Variants in LRP1B observed in about 807,000 individuals in gnomAD.
The protein encoded by LRP1B is low-density lipoprotein receptor-related protein 1B.
Under a neutral mutation model 556.6 loss-of-function variants are expected in LRP1B, and 217 were observed. The ratio of observed to expected loss-of-function variants is 0.39; its 90% CI spans 0.35 to 0.44. LRP1B has a LOEUF of 0.44. LRP1B is among the 20% of genes least tolerant of loss of function. The pLI, the probability that LRP1B is intolerant of heterozygous loss-of-function variation, is 1.00. For synonymous variants in LRP1B, 2,047 were observed against 1,865.8 expected, an observed-to-expected ratio of 1.10 and a Z score of -2.50; for missense variants, 5,053 against 5,620.8, an observed-to-expected ratio of 0.90 and a Z score of 3.23.
rs916870460 is a variant in LRP1B at position 142,094,619 on chromosome 2, T to C, written c.82+36029A>G. Among the ~76,000 whole-genome samples the C allele has an allele frequency of 2.6e-5, 4 of 151,988 alleles. No homozygotes were observed. In the South Asian group the frequency reaches 6.2e-4, roughly 24 times the overall value. On this transcript the variant is annotated intron_variant, in intron 1 of 90. Coordinates refer to ENST00000389484, the MANE Select transcript of LRP1B (RefSeq NM_018557.3). ...ATGCTGTAAAAACTAAAATGATTGT[T>C]AAATTGAATTAATAAAAGATTCAAT...
intron 41 of LRP1B, among the ~76,000 whole-genome samples, chr2:140,672,235 C>T (rs1004137816): frequency 2.6e-5 from 4 of 152,120 alleles, no homozygotes; most frequent in African/African-American, 9.7e-5. Flanking sequence ...CGCCTGTAAT[C>T]CCAGCACTTT....
At chr2:140,366,522 G>A (rs904364460) in intron 71 of LRP1B, among the ~76,000 whole-genome samples, 31 of 151,766 alleles carry the variant, frequency 2.0e-4, no homozygotes, top group East Asian at 1.6e-3. Flanking sequence ...ATATAGTTAT[G>A]ATTTGAAGTT....
At chr2:141,904,449 T>C (rs1699701596) in intron 1 of LRP1B, among the ~76,000 whole-genome samples, 1 of 151,860 alleles carries the variant, frequency 6.6e-6, no homozygotes, top group African/African-American at 2.4e-5. Context: ...TTTGCTAAAA[T>C]GAGGAGGGCT....
intron 87 of LRP1B, among the ~76,000 whole-genome samples, chr2:140,240,393 G>C (rs551452777): frequency 1.3e-5 from 2 of 150,750 alleles, no homozygotes; most frequent in Admixed American, 1.3e-4. Flanking sequence ...CAGGGAGGAG[G>C]CAAAATGGAG....
intron 7 of LRP1B, among the ~76,000 whole-genome samples, chr2:141,111,730 G>A (rs1019227523): frequency 1.9e-4 from 29 of 152,086 alleles, no homozygotes; most frequent in African/African-American, 6.3e-4. Context: ...CCCTCTCTTT[G>A]CTGAGAGCCT....
chr2:141,198,684 G>A lies in LRP1B; in HGVS notation c.851-10101C>T, dbSNP rs138266653. Among the ~76,000 whole-genome samples the A allele has an allele frequency of 1.9e-3, 294 of 152,076 alleles. 1 individual carries two copies. Among genetic ancestry groups the A allele is most frequent in the African/African-American group, 6.5e-3 (268 of 41,478 alleles). On this transcript the variant is annotated intron_variant, in intron 6 of 90. Transcript: ENST00000389484. ...TCCCCAATTCCTTCTTCTAGCACAGGCCACAAGCCAATTTTATCTACTATG... is the reference window on the plus strand; with the variant it reads ...TCCCCAATTCCTTCTTCTAGCACAGACCACAAGCCAATTTTATCTACTATG...
At chr2:141,291,746 C>T (rs1685961723) in intron 3 of LRP1B, among the ~76,000 whole-genome samples, 1 of 150,028 alleles carries the variant, frequency 6.7e-6, no homozygotes, top group Non-Finnish European at 1.5e-5. Flanking sequence ...ATCCCAGCTA[C>T]TTGGGAGGCT....
At chr2:140,737,312 G>A (rs991460737) in intron 35 of LRP1B, among the ~76,000 whole-genome samples, 1 of 152,274 alleles carries the variant, frequency 6.6e-6, no homozygotes, top group South Asian at 2.1e-4. Context: ...AAAGGTGACT[G>A]CTTAGATATG....
intron 7 of LRP1B, among the ~76,000 whole-genome samples, chr2:141,064,472 G>T (rs2105472346): frequency 6.6e-6 from 1 of 151,870 alleles, no homozygotes; most frequent in South Asian, 2.1e-4. Context: ...AAAACGGATT[G>T]AGATAACTCT....
At chr2:141,970,418 C>T (rs1005885120) in intron 1 of LRP1B, among the ~76,000 whole-genome samples, 4 of 151,454 alleles carry the variant, frequency 2.6e-5, no homozygotes, top group Non-Finnish European at 4.4e-5. Flanking sequence ...TGATGTACAG[C>T]GTCCACTTAT....
rs1474912145 is a variant in LRP1B at position 140,628,278 on chromosome 2, C to T, written c.6800-26639G>A. On this transcript the variant is annotated intron_variant, in intron 41 of 90. Coordinates refer to ENST00000389484, the MANE Select transcript of LRP1B (RefSeq NM_018557.3). The stretch of plus-strand genomic sequence containing the variant: ...GGGCGCAGTGGCTCACGACTGTAAT[C>T]CCCACACTTTGGGAGGCCGAGGCGG... Among the ~76,000 whole-genome samples, 4 of 152,110 alleles carry T rather than the reference C, an allele frequency of 2.6e-5. No homozygotes were observed. In the South Asian group the frequency reaches 8.3e-4, roughly 32 times the overall value.
intron 2 of LRP1B, among the ~76,000 whole-genome samples, chr2:141,630,065 CA>C (rs1688853616): frequency 2.0e-5 from 3 of 152,156 alleles, no homozygotes; most frequent in Admixed American, 1.3e-4. Context: ...CTATAGCTAA[CA>C]AAAGGCAATA....
chr2:141,748,618 T>C (rs1294873691), intron 2 of LRP1B, among the ~76,000 whole-genome samples: 2 of 152,182 alleles, frequency 1.3e-5, no homozygotes, highest in East Asian at 1.9e-4. Flanking sequence ...TTCTATAGTG[T>C]AGTCTTTATA....
rs558996507 is a variant in LRP1B at position 141,761,438 on chromosome 2, T to C, written c.205+48841A>G. Among the ~76,000 whole-genome samples the C allele has an allele frequency of 9.3e-5, 14 of 150,978 alleles. No individual in the cohort carries two copies. The South Asian group carries it at 2.5e-3, about 27-fold the overall frequency. ...TAATAAATATTTATATCAAGCAACA[T>C]AGAAATCATTTGAAAAATAACACAA... On this transcript the variant is annotated intron_variant, in intron 2 of 90. Transcript: ENST00000389484.
chr2:140,709,490 G>A (rs1185997942), intron 37 of LRP1B, among the ~76,000 whole-genome samples: 1 of 151,632 alleles, frequency 6.6e-6, no homozygotes, highest in Non-Finnish European at 1.5e-5. Context: ...AGAGGAGGAG[G>A]AGGAGGAGGA....
At chr2:140,538,321 C>T (rs181086064) in intron 45 of LRP1B, among the ~76,000 whole-genome samples, 5 of 152,140 alleles carry the variant, frequency 3.3e-5, no homozygotes, top group African/African-American at 1.2e-4. Context: ...GATTCTGTCA[C>T]CCGGGTACTG....
chr2:141,755,129 T>C (rs1694270361), intron 2 of LRP1B, among the ~76,000 whole-genome samples: 1 of 152,098 alleles, frequency 6.6e-6, no homozygotes, highest in African/African-American at 2.4e-5. Flanking sequence ...AGGAAACTTT[T>C]AGAGGAAAGC....
At chr2:141,167,304 AG>A (rs897740450) in intron 7 of LRP1B, 1 of 151,940 alleles carries the variant, frequency 6.6e-6, no homozygotes, top group Non-Finnish European at 1.5e-5. Flanking sequence ...AGGAGACAGA[AG>A]AATCTTCTTT....
chr2:140,439,612 A>C (rs1464409158), intron 66 of LRP1B, among the ~76,000 whole-genome samples: 1 of 152,084 alleles, frequency 6.6e-6, no homozygotes, highest in Non-Finnish European at 1.5e-5. Flanking sequence ...CCATCTCAAA[A>C]ACTAGGCGTT....
Sources: gnomAD v4.1 joint callset for allele counts (sites outside exome capture counted in the v4.1 genomes callset) on GRCh38, gnomAD v4.1.1 for gene constraint, MANE v1.5 for transcripts, NCBI Gene and HGNC (gene_info 2026-07-23, HGNC 2026-07-21) for gene names.